The following NPAS3 variants were observed in gnomAD, a reference collection of about 807,000 sequenced individuals.
NPAS3 encodes neuronal PAS domain protein 3, also known as neuronal PAS domain-containing protein 3.
A neutral mutation model predicts 73.1 loss-of-function variants in NPAS3; 14 were observed. The ratio of observed to expected loss-of-function variants is 0.19; its 90% CI spans 0.13 to 0.30. The LOEUF is 0.30. NPAS3 is among the 10% of genes least tolerant of loss of function. NPAS3 has a pLI of 1.00. For missense variants in NPAS3, 1,096 were observed against 1,250.0 expected, an observed-to-expected ratio of 0.88 and a Z score of 1.86; for synonymous variants, 620 against 541.5, an observed-to-expected ratio of 1.14 and a Z score of -2.01.
intron 6 of NPAS3, among the ~76,000 whole-genome samples, chr14:33,733,377 C>T (rs1202268362): frequency 1.3e-5 from 2 of 151,006 alleles, no homozygotes; most frequent in Admixed American, 6.6e-5. Flanking sequence ...AAAATTGGTT[C>T]TAAGGGTCTC....
chr14:33,701,855 T>C (rs2060531182), intron 6 of NPAS3, among the ~76,000 whole-genome samples: 1 of 151,194 alleles, frequency 6.6e-6, no homozygotes, highest in Non-Finnish European at 1.5e-5. Context: ...CCAAATTCTG[T>C]GTGCAGAGAT....
At chr14:33,354,726 T>G (rs2045252520) in intron 3 of NPAS3, among the ~76,000 whole-genome samples, 1 of 152,218 alleles carries the variant, frequency 6.6e-6, no homozygotes, top group African/African-American at 2.4e-5. Flanking sequence ...GAAACCATTA[T>G]ACTGTGTTAT....
chr14:33,241,620 A>T (rs145724221), intron 3 of NPAS3, among the ~76,000 whole-genome samples: 24 of 152,140 alleles, frequency 1.6e-4, no homozygotes, highest in Admixed American at 3.9e-4. Context: ...TTGTTAGTCT[A>T]GTCTCCCTCT....
intron 3 of NPAS3, among the ~76,000 whole-genome samples, chr14:33,295,575 A>G (rs556959015): frequency 6.6e-6 from 1 of 152,358 alleles, no homozygotes; most frequent in South Asian, 2.1e-4. Flanking sequence ...ACTTCACAGA[A>G]TAAGTGTAGG....
intron 1 of NPAS3, among the ~76,000 whole-genome samples, chr14:33,055,400 T>C (rs2040853777): frequency 6.6e-6 from 1 of 152,214 alleles, no homozygotes. Context: ...TTCTGTAAGC[T>C]GAATCGCATT....
intron 3 of NPAS3, among the ~76,000 whole-genome samples, chr14:33,303,977 G>A (rs573186672): frequency 2.6e-5 from 4 of 152,166 alleles, no homozygotes; most frequent in South Asian, 4.1e-4. Flanking sequence ...GCACCATCTC[G>A]GCTCACTGCA....
intron 4 of NPAS3, among the ~76,000 whole-genome samples, chr14:33,537,166 C>T (rs2054294241): frequency 6.6e-6 from 1 of 152,136 alleles, no homozygotes; most frequent in South Asian, 2.1e-4. Flanking sequence ...ATTTAATCTT[C>T]TGTGGCTAAA....
At chr14:33,688,912 G>A (rs1207680697) in intron 6 of NPAS3, among the ~76,000 whole-genome samples, 2 of 152,192 alleles carry the variant, frequency 1.3e-5, no homozygotes, top group African/African-American at 4.8e-5. Flanking sequence ...TTACTAGGTT[G>A]TTCTATCGGA....
At chr14:33,131,542 G>T (rs951307869) in intron 2 of NPAS3, among the ~76,000 whole-genome samples, 5 of 152,132 alleles carry the variant, frequency 3.3e-5, no homozygotes, top group African/African-American at 9.7e-5. Flanking sequence ...GTTGGGGTTT[G>T]TGTATCTGCC....
intron 5 of NPAS3, among the ~76,000 whole-genome samples, chr14:33,610,210 A>C (rs115148726): frequency 0.019 from 2,818 of 152,308 alleles, 77 homozygotes; most frequent in African/African-American, 0.064. Flanking sequence ...TATATCCTTA[A>C]TTACTTTTGT....
intron 2 of NPAS3, among the ~76,000 whole-genome samples, chr14:33,069,002 A>G (rs2041382958): frequency 1.3e-5 from 2 of 152,038 alleles, no homozygotes; most frequent in Admixed American, 1.3e-4. Context: ...TCTTGGGAGG[A>G]TTATGAATTG....
At chr14:33,089,861 A>C (rs1368748660) in intron 2 of NPAS3, among the ~76,000 whole-genome samples, 1 of 152,238 alleles carries the variant, frequency 6.6e-6, no homozygotes, top group Non-Finnish European at 1.5e-5. Context: ...CTTAAAGAAA[A>C]GAATTTTCAA....
intron 2 of NPAS3, among the ~76,000 whole-genome samples, chr14:33,177,053 A>C (rs2045612199): frequency 7.1e-6 from 1 of 140,956 alleles, no homozygotes; most frequent in Non-Finnish European, 1.5e-5. Flanking sequence ...TTTATTTTTT[A>C]ATTAGGCTGT....
At chr14:33,466,093 C>G (rs1385339772) in intron 4 of NPAS3, among the ~76,000 whole-genome samples, 1 of 152,068 alleles carries the variant, frequency 6.6e-6, no homozygotes, top group Non-Finnish European at 1.5e-5. Context: ...GCTTCGGGAG[C>G]ATGCTGGGGA....
At chr14:33,282,079 G>T (rs1001848343) in intron 3 of NPAS3, among the ~76,000 whole-genome samples, 1 of 152,170 alleles carries the variant, frequency 6.6e-6, no homozygotes, top group Non-Finnish European at 1.5e-5. Flanking sequence ...CATGGCCTTA[G>T]AGAAGCAGTA....
rs59212032 is a variant in NPAS3 at position 33,335,043 on chromosome 14, CGTGTGTGTGTGT to C, written c.386-32126_386-32115del. On this transcript the variant is annotated intron_variant, in intron 3 of 11. Coordinates refer to ENST00000356141, the Ensembl canonical transcript of NPAS3. ...AGTGGTATTCCATTGTGTGTGTGTGCGTGTGTGTGTGTGTGTGTGTGTGTGTGTATCACATTT... is the reference window on the plus strand; with the variant it reads ...AGTGGTATTCCATTGTGTGTGTGTGCGTGTGTGTGTGTGTGTATCACATTT... Among the ~76,000 whole-genome samples, 6 of 147,066 alleles carry C rather than the reference CGTGTGTGTGTGT, an allele frequency of 4.1e-5. No individual in the cohort carries two copies. In the East Asian group the frequency reaches 1.0e-3, roughly 25 times the overall value.
chr14:33,693,111 A>C (rs763502851), intron 6 of NPAS3, among the ~76,000 whole-genome samples: 1 of 152,204 alleles, frequency 6.6e-6, no homozygotes, highest in African/African-American at 2.4e-5. Flanking sequence ...TAAAGGAATT[A>C]TATCCATCCT....
chr14:33,094,349 T>G (rs2042333541), intron 2 of NPAS3, among the ~76,000 whole-genome samples: 1 of 152,192 alleles, frequency 6.6e-6, no homozygotes, highest in African/African-American at 2.4e-5. Context: ...TAAAAATATC[T>G]TCTGTTTTAT....
At chr14:33,029,829 A>G (rs1002246103) in intron 1 of NPAS3, among the ~76,000 whole-genome samples, 3 of 152,216 alleles carry the variant, frequency 2.0e-5, no homozygotes, top group Non-Finnish European at 2.9e-5. Flanking sequence ...AGCATCCCAG[A>G]TGATTAATTA....
Sources: gnomAD v4.1 joint callset for allele counts (sites outside exome capture counted in the v4.1 genomes callset) on GRCh38, gnomAD v4.1.1 for gene constraint, MANE v1.5 for transcripts, NCBI Gene and HGNC (gene_info 2026-07-23, HGNC 2026-07-21) for gene names.